Variants in GPHN observed in about 807,000 individuals in gnomAD.
GPHN encodes gephyrin.
GPHN carries 17 observed loss-of-function variants against 95.5 expected under a neutral mutation model. The observed-to-expected ratio is 0.18, with a 90% confidence interval of 0.12 to 0.27. GPHN has a LOEUF of 0.27. GPHN is among the 10% of genes least tolerant of loss of function. The pLI, the probability that GPHN is intolerant of heterozygous loss-of-function variation, is 1.00. For missense variants in GPHN, 660 were observed against 978.1 expected (o/e 0.67, Z 4.34); for synonymous variants, 320 against 322.5 (o/e 0.99, Z 0.08).
At chr14:67,008,211 T>G (rs1037946986) in intron 9 of GPHN, among the ~76,000 whole-genome samples, 2 of 152,072 alleles carry the variant, frequency 1.3e-5, no homozygotes, top group Non-Finnish European at 2.9e-5. Context: ...TCCCAGCACT[T>G]TGGAGGCCAA....
At chr14:67,199,295 C>T in the GPHN span, 4 of 1,603,900 alleles carry the variant, frequency 2.5e-6, no homozygotes, top group Non-Finnish European at 2.6e-6. Context: ...CATGATCAGA[C>T]TCTATGGGAA....
intron 1 of GPHN, among the ~76,000 whole-genome samples, chr14:66,577,706 A>G (rs1032091047): frequency 1.3e-5 from 2 of 151,902 alleles, no homozygotes; most frequent in Admixed American, 6.5e-5. Context: ...TGATTTTTCA[A>G]TTTGATTACT....
intron 2 of GPHN, among the ~76,000 whole-genome samples, chr14:66,731,197 T>G (rs1220586800): frequency 6.6e-6 from 1 of 152,172 alleles, no homozygotes; most frequent in African/African-American, 2.4e-5. Context: ...TATAGCAGTG[T>G]GAGAACAGAC....
chr14:67,312,936 C>T, the GPHN span, among the ~76,000 whole-genome samples: 13 of 152,238 alleles, frequency 8.5e-5, no homozygotes, highest in South Asian at 2.1e-4. Context: ...CAGCCAATCC[C>T]ATATTGTAGT....
At chr14:66,692,306 C>T (rs1259183504) in intron 2 of GPHN, among the ~76,000 whole-genome samples, 1 of 152,116 alleles carries the variant, frequency 6.6e-6, no homozygotes, top group African/African-American at 2.4e-5. Context: ...TATAAGTTTA[C>T]ATGGAAGGAG....
rs1353549938 is a variant in GPHN, at chr14:66,899,825, T to A, written c.390-16178T>A. On this transcript the variant is annotated intron_variant, in intron 5 of 22. Coordinates refer to ENST00000478722, the MANE Select transcript of GPHN (RefSeq NM_020806.5). The stretch of plus-strand genomic sequence containing the variant: ...CTCCACTTTTACTCTCTGGAAGAGT[T>A]TATGTAAAATGTATATTAATTTTTC... 2.0e-5 allele frequency among the ~76,000 whole-genome samples: 3 copies of A among 151,998 alleles called. No individual in the cohort carries two copies. The East Asian group carries it at 5.8e-4, about 29-fold the overall frequency.
Position 66,653,809 on chromosome 14 carries a change from C to A in GPHN, c.65-27298C>A, listed in dbSNP as rs371680745. The stretch of plus-strand genomic sequence containing the variant: ...AGTATTCCATGGTATGGATGTGCCA[C>A]AGTCTAACATTCACTGATTAAGGGA... On this transcript the variant is annotated intron_variant, in intron 1 of 22. Coordinates refer to ENST00000478722, the MANE Select transcript of GPHN (RefSeq NM_020806.5). 7.9e-5 allele frequency among the ~76,000 whole-genome samples: 12 copies of A among 152,242 alleles called. No homozygotes were observed. In the East Asian group the frequency reaches 1.4e-3, roughly 17 times the overall value.
chr14:67,414,355 C>A, the GPHN span, among the ~76,000 whole-genome samples: 1 of 152,232 alleles, frequency 6.6e-6, no homozygotes, highest in Non-Finnish European at 1.5e-5. Flanking sequence ...CTTCCTTCCC[C>A]AGGCTGTGGT....
At chr14:67,006,094 T>G (rs907993340) in intron 9 of GPHN, among the ~76,000 whole-genome samples, 1 of 152,016 alleles carries the variant, frequency 6.6e-6, no homozygotes, top group African/African-American at 2.4e-5. Context: ...AGTATTTAAA[T>G]AATAGGTTAC....
At chr14:67,242,914 A>G in the GPHN span, among the ~76,000 whole-genome samples, 1 of 152,320 alleles carries the variant, frequency 6.6e-6, no homozygotes, top group South Asian at 2.1e-4. Flanking sequence ...TATAAGTTCT[A>G]CTTGAGGGTG....
the GPHN span, among the ~76,000 whole-genome samples, chr14:67,596,045 T>C: frequency 6.6e-6 from 1 of 152,246 alleles, no homozygotes; most frequent in Non-Finnish European, 1.5e-5. Context: ...GTATAATCTT[T>C]AACATTTCTG....
chr14:66,972,363 CTTTG>C (rs575106014), intron 9 of GPHN, among the ~76,000 whole-genome samples: 29 of 151,176 alleles, frequency 1.9e-4, no homozygotes, highest in Admixed American at 1.5e-3. Context: ...AATTGACAGA[CTTTG>C]TTTATTTTTG....
intron 4 of GPHN, chr14:66,842,804 G>T: frequency 1.0e-6 from 1 of 952,930 alleles, no homozygotes; most frequent in South Asian, 1.5e-5. Context: ...AAAAATGCTT[G>T]GATCCATTTT....
chr14:66,658,792 G>T (rs1237745114), intron 1 of GPHN, among the ~76,000 whole-genome samples: 1 of 151,836 alleles, frequency 6.6e-6, no homozygotes, highest in Non-Finnish European at 1.5e-5. Context: ...TCATTGTATT[G>T]TGGTGGCCTA....
chr14:66,923,630 A>G (rs569709991), intron 7 of GPHN, among the ~76,000 whole-genome samples: 2 of 152,280 alleles, frequency 1.3e-5, no homozygotes, highest in East Asian at 3.9e-4. Flanking sequence ...CTTCATACCT[A>G]CTAAAGTCAA....
At chr14:66,959,375 T>C (rs1342898685) in intron 8 of GPHN, among the ~76,000 whole-genome samples, 2 of 152,156 alleles carry the variant, frequency 1.3e-5, no homozygotes, top group African/African-American at 2.4e-5. Context: ...TATTTCTTCA[T>C]GTCAGTCACA....
At chr14:66,753,531 A>G (rs1246550338) in intron 2 of GPHN, among the ~76,000 whole-genome samples, 2 of 152,082 alleles carry the variant, frequency 1.3e-5, no homozygotes, top group Admixed American at 6.6e-5. Context: ...AATTTTAAAG[A>G]AAGTTATATT....
At chr14:67,286,972 C>T in the GPHN span, among the ~76,000 whole-genome samples, 1 of 152,038 alleles carries the variant, frequency 6.6e-6, no homozygotes, top group African/African-American at 2.4e-5. Flanking sequence ...AATCTCAGCA[C>T]TTTGGGAGGC....
intron 8 of GPHN, among the ~76,000 whole-genome samples, chr14:66,950,318 A>G (rs189826686): frequency 6.6e-5 from 10 of 152,250 alleles, no homozygotes; most frequent in East Asian, 5.8e-4. Context: ...GTAGATCCTC[A>G]CTACTCCATG....
Sources: allele counts gnomAD v4.1 joint callset (sites outside exome capture counted in the v4.1 genomes callset), GRCh38; gene constraint gnomAD v4.1.1; transcripts MANE v1.5; gene names NCBI Gene and HGNC (gene_info 2026-07-23, HGNC 2026-07-21).